Variants in ADAMTS9 observed in about 807,000 individuals in gnomAD.
The protein encoded by ADAMTS9 is A disintegrin and metalloproteinase with thrombospondin motifs 9.
In ADAMTS9, 107 loss-of-function variants were observed where a neutral mutation model predicts 257.1. The observed-to-expected ratio is 0.42, with a 90% CI of 0.36 to 0.49. ADAMTS9 has a LOEUF of 0.49. Among genes scored for constraint, ADAMTS9 ranks in the 20% least tolerant of loss-of-function variants. The probability of loss-of-function intolerance (pLI) is 0.03; values close to 1 mark genes in which losing one functional copy is unlikely to be tolerated. For missense variants in ADAMTS9, 2,353 were observed against 2,469.1 expected (o/e 0.95, Z 1.00); for synonymous variants, 982 against 880.9 (o/e 1.11, Z -2.03).
intron 11 of ADAMTS9, among the ~76,000 whole-genome samples, chr3:64,643,885 G>A (rs951100778): frequency 6.6e-6 from 1 of 151,790 alleles, no homozygotes; most frequent in African/African-American, 2.4e-5. Flanking sequence ...ACACGTGGCT[G>A]GTGGCCACCA....
chr3:64,634,646 G>A (rs1700448680), intron 12 of ADAMTS9, among the ~76,000 whole-genome samples: 2 of 152,204 alleles, frequency 1.3e-5, no homozygotes, highest in African/African-American at 4.8e-5. Context: ...TCTACCAGCA[G>A]TCAGCAGCAT....
intron 8 of ADAMTS9, among the ~76,000 whole-genome samples, chr3:64,652,916 T>C (rs1457604357): frequency 2.0e-5 from 3 of 152,210 alleles, no homozygotes; most frequent in Admixed American, 2.0e-4. Context: ...ACACAAACTT[T>C]GTTTCATGCA....
At chr3:64,574,201 C>T (rs1401366226) in intron 28 of ADAMTS9, among the ~76,000 whole-genome samples, 3 of 152,194 alleles carry the variant, frequency 2.0e-5, no homozygotes, top group African/African-American at 7.2e-5. Context: ...CACTCTCTTT[C>T]AGTTTGAGCA....
At chr3:64,666,279 C>G (rs1244051520) in intron 3 of ADAMTS9, among the ~76,000 whole-genome samples, 3 of 152,144 alleles carry the variant, frequency 2.0e-5, no homozygotes, top group Non-Finnish European at 4.4e-5. Flanking sequence ...TGTTTCCTAC[C>G]AAATGGGGTT....
At chr3:64,667,669 C>T (rs562519482) in intron 3 of ADAMTS9, among the ~76,000 whole-genome samples, 24 of 152,276 alleles carry the variant, frequency 1.6e-4, no homozygotes, top group Non-Finnish European at 2.6e-4. Context: ...CTTCTGTGTC[C>T]TTTTCATTCT....
intron 28 of ADAMTS9, among the ~76,000 whole-genome samples, chr3:64,571,627 T>C (rs4431100): frequency 0.2 from 30,146 of 152,096 alleles, 4,784 homozygotes; most frequent in East Asian, 0.45. Flanking sequence ...GAAAAAACAA[T>C]GCAGCACTTG....
intron 22 of ADAMTS9, among the ~76,000 whole-genome samples, chr3:64,608,368 T>C (rs1006414727): frequency 6.0e-5 from 9 of 149,610 alleles, no homozygotes; most frequent in African/African-American, 1.7e-4. Context: ...GAACCAGAAA[T>C]TGATTTTTTG....
intron 21 of ADAMTS9, 75 bp from the exon 22 acceptor site, chr3:64,613,584 A>C: frequency 6.9e-7 from 1 of 1,449,902 alleles, no homozygotes; most frequent in African/African-American, 1.4e-5. Flanking sequence ...TTTATTGATG[A>C]GTAGGAACAG....
chr3:64,608,258 C>CAAAAAAAAAAAAAAAAAACAAAAAAA (rs2084597657), intron 22 of ADAMTS9, among the ~76,000 whole-genome samples: 2 of 53,316 alleles, frequency 3.8e-5, no homozygotes, highest in Non-Finnish European at 7.9e-5. Flanking sequence ...AAACTAAAAC[C>CAAAAAAAAAAAAAAAAAACAAAAAAA]AAAAAAAAAA....
intron 16 of ADAMTS9, among the ~76,000 whole-genome samples, chr3:64,626,967 T>C (rs1402958597): frequency 2.0e-5 from 3 of 152,210 alleles, no homozygotes; most frequent in Non-Finnish European, 2.9e-5. Context: ...CCGTGGCACC[T>C]TGGGCATCCT....
At chr3:64,550,849 G>A (rs1252462745) in intron 31 of ADAMTS9, 43 bp downstream of exon 31, 2 of 1,609,330 alleles carry the variant, frequency 1.2e-6, no homozygotes, top group African/African-American at 1.3e-5. Context: ...CCACTCTCAG[G>A]CCATGGCTGA....
chr3:64,531,516 G>C (rs2082981223), intron 38 of ADAMTS9, among the ~76,000 whole-genome samples: 1 of 151,164 alleles, frequency 6.6e-6, no homozygotes, highest in African/African-American at 2.4e-5. Flanking sequence ...AGCCCAGCCT[G>C]GAGTGCAGTC....
intron 31 of ADAMTS9, among the ~76,000 whole-genome samples, chr3:64,549,532 C>T (rs983748840): frequency 6.6e-6 from 1 of 152,098 alleles, no homozygotes; most frequent in Non-Finnish European, 1.5e-5. Context: ...AAATCAATGT[C>T]GTAAAGATCA....
intron 37 of ADAMTS9, among the ~76,000 whole-genome samples, chr3:64,535,205 C>A (rs1383816539): frequency 6.6e-6 from 1 of 151,948 alleles, no homozygotes; most frequent in East Asian, 1.9e-4. Flanking sequence ...GTGGTGAAAC[C>A]CCATCTCTTC....
intron 2 of ADAMTS9, among the ~76,000 whole-genome samples, chr3:64,683,662 C>A (rs1334733275): frequency 6.6e-6 from 1 of 152,110 alleles, no homozygotes; most frequent in African/African-American, 2.4e-5. Flanking sequence ...AATGTGATGC[C>A]AAAATTAATT....
rs1306994080 is a variant in ADAMTS9 at position 64,686,228 on chromosome 3, T to G, written c.516+340A>C. ...GGCTCCGCTCCCGGGTGGCCAAGTT[T>G]GCTGCAGGGAACCGCAACTCCAGTA... On this transcript the variant is annotated intron_variant, in intron 2 of 39. Transcript: ENST00000498707. This position sits in a 1 kb window ranked among gnomAD's most constrained non-coding sequence, Gnocchi z 4.6. Among the ~76,000 whole-genome samples, 1 of 152,240 alleles carries G rather than the reference T, an allele frequency of 6.6e-6. No individual in the cohort carries two copies. Among genetic ancestry groups the G allele is most frequent in the Non-Finnish European group, 1.5e-5 (1 of 68,048 alleles).
chr3:64,597,515 C>A (rs1299488847), intron 26 of ADAMTS9, among the ~76,000 whole-genome samples: 2 of 152,220 alleles, frequency 1.3e-5, no homozygotes, highest in African/African-American at 2.4e-5. Context: ...ATTTAGACAT[C>A]ATTTCCTAGC....
In ADAMTS9 at chr3:64,631,567, A is replaced by G. The variant is rs755749410; in HGVS notation, c.2294-17T>C. ...TATTGTAACCTGAAAAGAATTTAGC[A>G]GAAATTCAGTACTCCACAGAATGGT... On this transcript the variant is annotated splice_polypyrimidine_tract_variant and intron_variant, in intron 15 of 39. Coordinates refer to ENST00000498707, the MANE Select transcript of ADAMTS9 (RefSeq NM_182920.2). 2 of 1,594,914 alleles carry G rather than the reference A, an allele frequency of 1.3e-6. No individual in the cohort carries two copies. The highest frequency in any genetic ancestry group is 1.7e-6 in the Non-Finnish European group (2 of 1,162,596).
intron 37 of ADAMTS9, among the ~76,000 whole-genome samples, chr3:64,534,824 C>A (rs1380940425): frequency 6.6e-6 from 1 of 151,996 alleles, no homozygotes; most frequent in Non-Finnish European, 1.5e-5. Context: ...GGGTAGAGAC[C>A]AAGGATGCTG....
Sources: allele counts gnomAD v4.1 joint callset (sites outside exome capture counted in the v4.1 genomes callset), GRCh38; gene constraint gnomAD v4.1.1; non-coding constraint Gnocchi (gnomAD v3.1); transcripts MANE v1.5; gene names NCBI Gene and HGNC (gene_info 2026-07-23, HGNC 2026-07-21).